GRXCR1: variants seen among roughly 807,000 people sequenced by gnomAD.
GRXCR1 encodes glutaredoxin domain-containing cysteine-rich protein 1.
Under a neutral mutation model 27.3 loss-of-function variants are expected in GRXCR1, and 27 were observed. The observed-to-expected ratio is 0.99, with a 90% CI of 0.73 to 1.37. The LOEUF (loss-of-function observed/expected upper bound fraction) is 1.37, where lower values mean the gene tolerates loss of function less well. Ranked by LOEUF, GRXCR1 falls within the 40% of genes most tolerant of loss-of-function variation. GRXCR1 has a pLI of 0.00. For synonymous variants in GRXCR1, 122 were observed against 131.1 expected, an observed-to-expected ratio of 0.93 and a Z score of 0.47; for missense variants, 379 against 354.4, an observed-to-expected ratio of 1.07 and a Z score of -0.56.
chr4:42,993,063 G>T (rs867741231), intron 2 of GRXCR1, among the ~76,000 whole-genome samples: 1 of 151,976 alleles, frequency 6.6e-6, no homozygotes, highest in Non-Finnish European at 1.5e-5. Context: ...TAAGTGGTGG[G>T]ATTTCTCCCT....
At chr4:43,022,227 T>C (rs1713114369) in intron 3 of GRXCR1, among the ~76,000 whole-genome samples, 1 of 152,222 alleles carries the variant, frequency 6.6e-6, no homozygotes, top group African/African-American at 2.4e-5. Context: ...GTTGCATCAA[T>C]ATCATACTAT....
At chr4:42,949,409 C>T (rs1747829321) in intron 1 of GRXCR1, among the ~76,000 whole-genome samples, 1 of 151,000 alleles carries the variant, frequency 6.6e-6, no homozygotes, top group African/African-American at 2.4e-5. Flanking sequence ...TGTATTAGTC[C>T]CTCTAATTTC....
At chr4:43,004,241 G>A (rs776848542) in intron 2 of GRXCR1, among the ~76,000 whole-genome samples, 26 of 152,246 alleles carry the variant, frequency 1.7e-4, no homozygotes, top group Non-Finnish European at 3.5e-4. Context: ...AGAGATGAGA[G>A]TTAAGCTTTG....
At chr4:42,952,059 A>T (rs1332553499) in intron 1 of GRXCR1, among the ~76,000 whole-genome samples, 2 of 152,200 alleles carry the variant, frequency 1.3e-5, no homozygotes, top group East Asian at 3.9e-4. Context: ...GATTATGCTT[A>T]TGCATCTCTG....
At chr4:42,911,928 T>G (rs1485961972) in intron 1 of GRXCR1, among the ~76,000 whole-genome samples, 1 of 152,188 alleles carries the variant, frequency 6.6e-6, no homozygotes, top group African/African-American at 2.4e-5. Context: ...GTGAGGGGAT[T>G]AGTTTACTTG....
intron 1 of GRXCR1, among the ~76,000 whole-genome samples, chr4:42,906,012 A>G (rs1746581346): frequency 6.6e-6 from 1 of 152,206 alleles, no homozygotes; most frequent in Non-Finnish European, 1.5e-5. Context: ...AGCGTTTTAT[A>G]GTAATCTCAT....
chr4:42,975,031 C>T (rs1007254794), intron 2 of GRXCR1, among the ~76,000 whole-genome samples: 8 of 152,016 alleles, frequency 5.3e-5, no homozygotes, highest in African/African-American at 1.9e-4. Context: ...GACTACCTGC[C>T]CTGGGTCCAT....
intron 3 of GRXCR1, among the ~76,000 whole-genome samples, chr4:43,026,398 C>T (rs1713259549): frequency 6.6e-6 from 1 of 151,972 alleles, no homozygotes; most frequent in Admixed American, 6.6e-5. Flanking sequence ...ATAAATTGTG[C>T]TGGAAGATGT....
chr4:43,013,953 A>T (rs1052372541), intron 2 of GRXCR1, among the ~76,000 whole-genome samples: 1 of 152,092 alleles, frequency 6.6e-6, no homozygotes, highest in African/African-American at 2.4e-5. Flanking sequence ...TGTTCTTTAC[A>T]ATTATGCTGA....
At chr4:42,969,890 GAGACA>G (rs1372251499) in intron 2 of GRXCR1, among the ~76,000 whole-genome samples, 1 of 152,204 alleles carries the variant, frequency 6.6e-6, no homozygotes, top group East Asian at 1.9e-4. Flanking sequence ...AGTCTCATTT[GAGACA>G]AGACAACTCC....
At chr4:42,927,932 C>A (rs547384588) in intron 1 of GRXCR1, among the ~76,000 whole-genome samples, 17 of 151,962 alleles carry the variant, frequency 1.1e-4, no homozygotes, top group Non-Finnish European at 2.9e-5. Flanking sequence ...GGAAGAAAAC[C>A]AATAAAAGAA....
intron 2 of GRXCR1, among the ~76,000 whole-genome samples, chr4:42,997,084 G>A (rs1370219860): frequency 6.6e-6 from 1 of 151,896 alleles, no homozygotes; most frequent in African/African-American, 2.4e-5. Context: ...TTTATCCTTT[G>A]ATGTCATTTA....
chr4:42,895,198 A>C (rs1746320183), intron 1 of GRXCR1, among the ~76,000 whole-genome samples: 1 of 152,150 alleles, frequency 6.6e-6, no homozygotes, highest in Non-Finnish European at 1.5e-5. Flanking sequence ...AAATTTTAAC[A>C]CTAGATTAGT....
At chr4:42,988,283 T>C (rs2109789582) in intron 2 of GRXCR1, among the ~76,000 whole-genome samples, 1 of 152,298 alleles carries the variant, frequency 6.6e-6, no homozygotes, top group African/African-American at 2.4e-5. Flanking sequence ...AATAAATCAA[T>C]TTTCTTCTGT....
intron 1 of GRXCR1, among the ~76,000 whole-genome samples, chr4:42,900,914 C>T (rs988305924): frequency 2.0e-5 from 3 of 152,100 alleles, no homozygotes; most frequent in Admixed American, 6.6e-5. Context: ...TGTTCTTATT[C>T]GCGTATCACC....
At chr4:43,002,959 C>G (rs1712424626) in intron 2 of GRXCR1, among the ~76,000 whole-genome samples, 1 of 152,076 alleles carries the variant, frequency 6.6e-6, no homozygotes, top group African/African-American at 2.4e-5. Context: ...AGAGTTTTCC[C>G]CCATGCTATT....
At chr4:43,002,513 G>A (rs1236005615) in intron 2 of GRXCR1, among the ~76,000 whole-genome samples, 2 of 151,946 alleles carry the variant, frequency 1.3e-5, no homozygotes, top group Non-Finnish European at 2.9e-5. Context: ...AAGTGGCTGG[G>A]GCAAAGTGGC....
At chr4:42,983,904 C>T (rs1309539720) in intron 2 of GRXCR1, among the ~76,000 whole-genome samples, 9 of 147,862 alleles carry the variant, frequency 6.1e-5, no homozygotes, top group African/African-American at 7.5e-5. Context: ...GGTGTGATCT[C>T]GGCTCACTGG....
chr4:42,928,201 C>G (rs892864797), intron 1 of GRXCR1, among the ~76,000 whole-genome samples: 3 of 151,994 alleles, frequency 2.0e-5, no homozygotes, highest in African/African-American at 7.2e-5. Flanking sequence ...TTAGGTAGTA[C>G]TTCTACTCTT....
Sources: gnomAD v4.1 joint callset for allele counts (sites outside exome capture counted in the v4.1 genomes callset) on GRCh38, gnomAD v4.1.1 for gene constraint, MANE v1.5 for transcripts, NCBI Gene and HGNC (gene_info 2026-07-23, HGNC 2026-07-21) for gene names.